The following PABPC4L variants were observed in gnomAD, a reference collection of about 807,000 sequenced individuals.
PABPC4L encodes the protein polyadenylate-binding protein 4-like.
For synonymous variants in PABPC4L, 169 were observed against 164.1 expected (o/e 1.03, Z -0.23); for missense variants, 452 against 451.4 (o/e 1.00, Z -0.01).
At chr4:134,196,062 G>T (rs186907983), downstream of PABPC4L, among the ~76,000 whole-genome samples, 229 of 151,362 alleles carry the variant, frequency 1.5e-3, no homozygotes, top group African/African-American at 5.3e-3. Context: ...CACTTGACAG[G>T]TTAGTTGAAT....
chr4:134,130,063 TAAA>T, the PABPC4L span, among the ~76,000 whole-genome samples: 2 of 111,008 alleles, frequency 1.8e-5, no homozygotes, highest in Non-Finnish European at 1.9e-5. Flanking sequence ...AGACTCTGTT[TAAA>T]AAAAAAAAAA....
the PABPC4L span, among the ~76,000 whole-genome samples, chr4:134,043,680 AAAAC>A: frequency 1.4e-5 from 2 of 146,302 alleles, no homozygotes; most frequent in Admixed American, 6.9e-5. Flanking sequence ...TTTAAAAGAA[AAAAC>A]AAAATACATC....
At chr4:134,053,773 T>C in the PABPC4L span, among the ~76,000 whole-genome samples, 1 of 152,038 alleles carries the variant, frequency 6.6e-6, no homozygotes, top group Non-Finnish European at 1.5e-5. Context: ...TATTCAGTAT[T>C]AACCACTGGA....
chr4:134,131,070 C>G, the PABPC4L span, among the ~76,000 whole-genome samples: 13 of 152,114 alleles, frequency 8.5e-5, no homozygotes, highest in Non-Finnish European at 1.6e-4. Context: ...CTATGACAAA[C>G]CCACAGCCAA....
the PABPC4L span, among the ~76,000 whole-genome samples, chr4:134,158,760 G>A: frequency 6.6e-6 from 1 of 152,016 alleles, no homozygotes; most frequent in African/African-American, 2.4e-5. Flanking sequence ...ATATGGTCAT[G>A]TGCCTCTTAA....
chr4:134,175,201 T>A, the PABPC4L span, among the ~76,000 whole-genome samples: 2 of 152,144 alleles, frequency 1.3e-5, no homozygotes, highest in East Asian at 3.8e-4. Context: ...GCTTTGAGTA[T>A]CTTAACAGAT....
At chr4:134,042,612 A>G in the PABPC4L span, among the ~76,000 whole-genome samples, 1 of 152,198 alleles carries the variant, frequency 6.6e-6, no homozygotes, top group Non-Finnish European at 1.5e-5. Context: ...AACACTATTA[A>G]TAATTTTGCC....
At position 134,200,222 on chromosome 4, in the gene PABPC4L, T is replaced by C; in HGVS notation, c.798A>G (p.Gln266=). The change falls in exon 2 of 2, where the codon CAA becomes CAG. Residue 266 remains glutamine (Q), a synonymous_variant. Transcript: ENST00000421491. ...NGQLIFVGRA[Q]KKVERQAELK... The stretch of plus-strand genomic sequence containing the variant: ...ACTCAGCCTGTCGCTCGACTTTCTT[T>C]TGAGCCCGGCCTACAAAAATCAGCT... The C allele has an allele frequency of 1.3e-6, 2 of 1,551,922 alleles. No individual in the cohort carries two copies. Among genetic ancestry groups the C allele is most frequent in the Non-Finnish European group, 1.7e-6 (2 of 1,147,090 alleles).
chr4:133,978,633 G>C, the PABPC4L span, among the ~76,000 whole-genome samples: 2 of 151,958 alleles, frequency 1.3e-5, no homozygotes, highest in Non-Finnish European at 2.9e-5. Context: ...TTATTCTTCA[G>C]CCTTGCTCAC....
chr4:134,169,431 T>C, the PABPC4L span, among the ~76,000 whole-genome samples: 6 of 152,046 alleles, frequency 3.9e-5, no homozygotes, highest in South Asian at 1.2e-3. Flanking sequence ...AAGAGTACTA[T>C]AATTCCTAGC....
At chr4:134,148,064 C>G in the PABPC4L span, among the ~76,000 whole-genome samples, 1 of 151,982 alleles carries the variant, frequency 6.6e-6, no homozygotes, top group Non-Finnish European at 1.5e-5. Context: ...GGTGTGAATT[C>G]CATAACCCAT....
At chr4:134,080,893 A>C in the PABPC4L span, among the ~76,000 whole-genome samples, 1 of 152,188 alleles carries the variant, frequency 6.6e-6, no homozygotes, top group African/African-American at 2.4e-5. Context: ...ACTAACACAC[A>C]GTGTATCATA....
the PABPC4L span, among the ~76,000 whole-genome samples, chr4:134,171,737 A>G: frequency 1.3e-5 from 2 of 152,134 alleles, no homozygotes; most frequent in Non-Finnish European, 2.9e-5. Flanking sequence ...CTTTGTTTGC[A>G]GATTATGTGA....
chr4:134,066,733 A>C, the PABPC4L span, among the ~76,000 whole-genome samples: 1 of 151,934 alleles, frequency 6.6e-6, no homozygotes, highest in South Asian at 2.1e-4. Flanking sequence ...TGTTTTTTTG[A>C]AGGCTTTTAA....
chr4:134,051,131 C>A, the PABPC4L span, among the ~76,000 whole-genome samples: 6 of 152,004 alleles, frequency 3.9e-5, no homozygotes, highest in African/African-American at 1.4e-4. Context: ...AAACAAAAAT[C>A]TGAAAATGTT....
chr4:134,020,327 C>T, the PABPC4L span, among the ~76,000 whole-genome samples: 1 of 152,096 alleles, frequency 6.6e-6, no homozygotes, highest in Non-Finnish European at 1.5e-5. Context: ...AAGATGTGCT[C>T]TGCTACAAGG....
At chr4:134,196,149 T>C (rs1242681397), downstream of PABPC4L, among the ~76,000 whole-genome samples, 1 of 151,496 alleles carries the variant, frequency 6.6e-6, no homozygotes, top group African/African-American at 2.4e-5. Flanking sequence ...TGTTTTCAAC[T>C]GTGAGTTCAT....
At chr4:134,152,236 T>C in the PABPC4L span, among the ~76,000 whole-genome samples, 1 of 152,120 alleles carries the variant, frequency 6.6e-6, no homozygotes, top group East Asian at 1.9e-4. Flanking sequence ...CTACGAGAGA[T>C]ATTGACTATT....
chr4:134,035,378 C>T, the PABPC4L span, among the ~76,000 whole-genome samples: 8 of 151,890 alleles, frequency 5.3e-5, no homozygotes, highest in Admixed American at 6.6e-5. Flanking sequence ...AAAATAGACA[C>T]GAAGTAATCC....
Sources: gnomAD v4.1 joint callset for allele counts (sites outside exome capture counted in the v4.1 genomes callset) on GRCh38, gnomAD v4.1.1 for gene constraint, MANE v1.5 for transcripts, NCBI Gene and HGNC (gene_info 2026-07-23, HGNC 2026-07-21) for gene names.